Variants in PCDHGB7 observed in about 807,000 individuals in gnomAD.
PCDHGB7 encodes protocadherin gamma-B7.
PCDHGB7 carries 37 observed loss-of-function variants against 61.4 expected under a neutral mutation model. The observed-to-expected ratio is 0.60, with a 90% confidence interval of 0.46 to 0.79. The LOEUF (loss-of-function observed/expected upper bound fraction) is 0.79, where lower values mean the gene tolerates loss of function less well. Among genes scored for constraint, PCDHGB7 ranks in the 30% least tolerant of loss-of-function variants. The pLI, the probability that PCDHGB7 is intolerant of heterozygous loss-of-function variation, is 0.00. For missense variants in PCDHGB7, 1,166 were observed against 1,202.5 expected, an observed-to-expected ratio of 0.97 and a Z score of 0.45; for synonymous variants, 464 against 503.5, an observed-to-expected ratio of 0.92 and a Z score of 1.05.
intron 1 of PCDHGB7, among the ~76,000 whole-genome samples, chr5:141,473,431 G>C (rs541546681): frequency 6.6e-6 from 1 of 152,148 alleles, no homozygotes; most frequent in South Asian, 2.1e-4. Context: ...CAGATACTTT[G>C]CTTATGCAAA....
At chr5:141,500,568 T>C (rs1562196424) in intron 2 of PCDHGB7, among the ~76,000 whole-genome samples, 2 of 152,190 alleles carry the variant, frequency 1.3e-5, no homozygotes, top group Admixed American at 6.5e-5. Context: ...CTTGTCACAC[T>C]TTCATGTGAC....
intron 2 of PCDHGB7, among the ~76,000 whole-genome samples, chr5:141,497,126 C>T (rs565697662): frequency 8.2e-4 from 125 of 151,844 alleles, no homozygotes; most frequent in African/African-American, 3.0e-3. Flanking sequence ...GCAGAGGTTG[C>T]AGTGAGCTGA....
chr5:141,478,096 T>C (rs749277013), intron 1 of PCDHGB7: 1 of 1,614,074 alleles, frequency 6.2e-7, no homozygotes, highest in South Asian at 1.1e-5. Context: ...CCACCACTGC[T>C]ACCCTCACTG....
At chr5:141,427,883 C>T (rs2097084423) in intron 1 of PCDHGB7, 2 of 1,563,700 alleles carry the variant, frequency 1.3e-6, no homozygotes, top group African/African-American at 1.3e-5. Context: ...TGCAGGCCCA[C>T]GACCAGGGCT....
rs749528675 is a variant in PCDHGB7, at chr5:141,490,604, A to G, written c.2416-4203A>G. On this transcript the variant is annotated intron_variant, in intron 1 of 3. Coordinates refer to ENST00000398594, the MANE Select transcript of PCDHGB7 (RefSeq NM_018927.4). This position sits in a 1 kb window ranked among gnomAD's most constrained non-coding sequence, Gnocchi z 5.4. ...GTCAATGACAATGCACCCCGCTTCA[A>G]CCAGCAGCTTTACACTGCTTACATC... is the stretch of plus-strand genomic sequence containing the variant. 13 of 1,614,192 alleles carry G rather than the reference A, an allele frequency of 8.1e-6. No homozygotes were observed. Among genetic ancestry groups the G allele is most frequent in the Non-Finnish European group, 1.1e-5 (13 of 1,180,022 alleles).
chr5:141,485,525 C>A lies in PCDHGB7; in HGVS notation c.2416-9282C>A. On this transcript the variant is annotated intron_variant, in intron 1 of 3. Transcript: ENST00000398594. This position sits in a 1 kb window ranked among gnomAD's most constrained non-coding sequence, Gnocchi z 5.7. ...CACCGAAGGTCCTTTGGAAATGTAC[C>A]GAGCAGAGGTAGAGATCGTAGATGT... The A allele has an allele frequency of 5.6e-6, 9 of 1,614,122 alleles. No individual in the cohort carries two copies. Among genetic ancestry groups the A allele is most frequent in the Non-Finnish European group, 7.6e-6 (9 of 1,180,022 alleles).
At chr5:141,452,106 CTCT>C (rs748460925) in intron 1 of PCDHGB7, among the ~76,000 whole-genome samples, 12 of 152,096 alleles carry the variant, frequency 7.9e-5, no homozygotes, top group South Asian at 4.1e-4. Flanking sequence ...GCTTTCTTTT[CTCT>C]TCTTATTTAT....
At position 141,511,187 on chromosome 5, in the gene PCDHGB7, C is replaced by T; in HGVS notation, c.*14C>T. The stretch of plus-strand genomic sequence containing the variant: ...GAGAAGAAGTAACATGGAGGCCAGG[C>T]CAAGAGCCACAGGGCGGCCTCTCCC... On this transcript the variant is annotated 3_prime_UTR_variant, in exon 4 of 4. Transcript: ENST00000398594. The T allele has an allele frequency of 1.2e-6, 2 of 1,613,868 alleles. No homozygotes were observed. The highest frequency in any genetic ancestry group is 1.7e-6 in the Non-Finnish European group (2 of 1,179,878).
At chr5:141,465,032 A>C (rs2154568703) in intron 1 of PCDHGB7, among the ~76,000 whole-genome samples, 1 of 151,870 alleles carries the variant, frequency 6.6e-6, no homozygotes, top group Admixed American at 6.6e-5. Context: ...ATGAACCACC[A>C]CAAATGACCC....
At position 141,417,993 on chromosome 5, in the gene PCDHGB7, C is replaced by A; in HGVS notation, c.134C>A (p.Ser45Ter). The A allele has an allele frequency of 6.2e-7, 1 of 1,613,830 alleles. No homozygotes were observed. Among genetic ancestry groups the A allele is most frequent in the Non-Finnish European group, 8.5e-7 (1 of 1,179,748 alleles). ...YSIPEELAKG[S>*]VVGNLAKDLG... ...ATTCCGGAGGAGCTGGCCAAGGGCT[C>A]GGTGGTGGGGAACCTCGCTAAGGAT... Residue 45 changes from serine to a stop codon, truncating the protein, a stop_gained, in exon 1 of 4, where the codon TCG becomes TAG. Transcript: ENST00000398594. LOFTEE classifies it high-confidence loss of function.
At chr5:141,484,866 C>T in intron 1 of PCDHGB7, 1 of 275,618 alleles carries the variant, frequency 3.6e-6, no homozygotes, top group Non-Finnish European at 6.8e-6. Flanking sequence ...GGTGGGGGAG[C>T]GTGGAGGATA....
chr5:141,438,629 T>C (rs1162332421), intron 1 of PCDHGB7, among the ~76,000 whole-genome samples: 9 of 48,096 alleles, frequency 1.9e-4, no homozygotes, highest in Admixed American at 6.4e-4. Context: ...TATATATATA[T>C]ATATATACAC....
chr5:141,502,518 T>C (rs1388007900), intron 2 of PCDHGB7, among the ~76,000 whole-genome samples: 1 of 152,184 alleles, frequency 6.6e-6, no homozygotes, highest in Non-Finnish European at 1.5e-5. Flanking sequence ...CCACTATCAG[T>C]GATGCCGAGT....
intron 1 of PCDHGB7, among the ~76,000 whole-genome samples, chr5:141,468,198 G>A (rs992118435): frequency 9.2e-5 from 14 of 151,854 alleles, no homozygotes; most frequent in Admixed American, 7.2e-4. Context: ...GGTGGCGGGT[G>A]CCTGTAATTC....
Position 141,432,072 on chromosome 5 carries a change from T to C in PCDHGB7, c.2415+11798T>C, listed in dbSNP as rs1236871982. The C allele has an allele frequency of 6.2e-7, 1 of 1,614,178 alleles. No homozygotes were observed. The highest frequency in any genetic ancestry group is 8.5e-7 in the Non-Finnish European group (1 of 1,180,032). On this transcript the variant is annotated intron_variant, in intron 1 of 3. Coordinates refer to ENST00000398594, the MANE Select transcript of PCDHGB7 (RefSeq NM_018927.4). This position sits in a 1 kb window ranked among gnomAD's most constrained non-coding sequence, Gnocchi z 6.0. ...CCGCCCCTATCCACGGAAACTCATA[T>C]CTCGCTGAACGTGGCAGACACCAAC...
intron 1 of PCDHGB7, chr5:141,479,269 A>G (rs1279389471): frequency 6.6e-6 from 1 of 152,374 alleles, no homozygotes; most frequent in African/African-American, 2.4e-5. Flanking sequence ...TAAAAGTAAT[A>G]ATTTATTTCA....
At chr5:141,456,701 G>C (rs370086323) in intron 1 of PCDHGB7, among the ~76,000 whole-genome samples, 1 of 151,988 alleles carries the variant, frequency 6.6e-6, no homozygotes. Flanking sequence ...GTGGTGGCTC[G>C]CGCCTGTAAT....
At chr5:141,500,417 G>A in intron 2 of PCDHGB7, among the ~76,000 whole-genome samples, 1 of 151,736 alleles carries the variant, frequency 6.6e-6, no homozygotes, top group East Asian at 2.0e-4. Flanking sequence ...CACCGTGTTA[G>A]CCAGGATGGT....
At position 141,419,065 on chromosome 5, in the gene PCDHGB7, C is replaced by T. The variant is rs763008753; in HGVS notation, c.1206C>T (p.Tyr402=). The T allele has an allele frequency of 1.9e-6, 3 of 1,613,904 alleles. No homozygotes were observed. The highest frequency in any genetic ancestry group is 2.5e-6 in the Non-Finnish European group (3 of 1,179,850). Residue 402 remains tyrosine (Y), a synonymous_variant, in exon 1 of 4, where the codon TAC becomes TAT. Coordinates refer to ENST00000398594, the MANE Select transcript of PCDHGB7 (RefSeq NM_018927.4). ...FKIHSSSNNY[Y]KLVTDEALDR... is the part of the protein sequence containing the mutation. ...TTCATTCTTCTTCTAATAATTACTA[C>T]AAGCTAGTAACAGATGAGGCCCTGG...
Sources: allele counts gnomAD v4.1 joint callset (sites outside exome capture counted in the v4.1 genomes callset), GRCh38; gene constraint gnomAD v4.1.1; non-coding constraint Gnocchi (gnomAD v3.1); transcripts MANE v1.5; gene names NCBI Gene and HGNC (gene_info 2026-07-23, HGNC 2026-07-21).